The following ADGRL3 variants were observed in gnomAD, a reference collection of about 807,000 sequenced individuals.
ADGRL3 encodes adhesion G protein-coupled receptor L3, also known as calcium-independent alpha-latrotoxin receptor 3.
Under a neutral mutation model 153.5 loss-of-function variants are expected in ADGRL3, and 62 were observed. That is an observed-to-expected ratio of 0.40 (90% CI 0.33 to 0.50). The LOEUF is 0.50. ADGRL3 is among the 20% of genes least tolerant of loss of function. ADGRL3 has a pLI of 0.47. For synonymous variants in ADGRL3, 710 were observed against 672.5 expected, an observed-to-expected ratio of 1.06 and a Z score of -0.86; for missense variants, 1,641 against 1,859.4, an observed-to-expected ratio of 0.88 and a Z score of 2.16.
chr4:61,485,871 T>C (rs911265129), intron 2 of ADGRL3, among the ~76,000 whole-genome samples: 2 of 152,124 alleles, frequency 1.3e-5, no homozygotes, highest in African/African-American at 4.8e-5. Flanking sequence ...ATTTGGATTA[T>C]TTAAGAAGAT....
At chr4:61,636,198 T>A (rs573583846) in intron 5 of ADGRL3, among the ~76,000 whole-genome samples, 1 of 152,268 alleles carries the variant, frequency 6.6e-6, no homozygotes, top group East Asian at 1.9e-4. Flanking sequence ...CCTCAGTCCT[T>A]ATTTTTTATA....
chr4:61,867,539 T>TATATATATATATATATATATAA (rs1001275572), intron 9 of ADGRL3, among the ~76,000 whole-genome samples: 1 of 138,742 alleles, frequency 7.2e-6, no homozygotes, highest in African/African-American at 2.6e-5. Flanking sequence ...TATATATATA[T>TATATATATATATATATATATAA]AATTGTAGGA....
intron 8 of ADGRL3, among the ~76,000 whole-genome samples, chr4:61,759,469 A>G (rs9762431): frequency 6.6e-6 from 1 of 152,124 alleles, no homozygotes; most frequent in African/African-American, 2.4e-5. Flanking sequence ...CAGATCGACT[A>G]CGAGGCTTGT....
At chr4:61,790,749 G>A (rs2097332308) in intron 8 of ADGRL3, among the ~76,000 whole-genome samples, 1 of 152,148 alleles carries the variant, frequency 6.6e-6, no homozygotes, top group South Asian at 2.1e-4. Flanking sequence ...ATTTATAAAA[G>A]AAAGAGGTTT....
intron 1 of ADGRL3, among the ~76,000 whole-genome samples, chr4:61,278,739 C>T (rs2093596358): frequency 6.6e-6 from 1 of 152,118 alleles, no homozygotes; most frequent in African/African-American, 2.4e-5. Context: ...CTCCTGATAT[C>T]AAGTGATCCA....
chr4:61,648,682 A>T (rs1053867153), intron 5 of ADGRL3, among the ~76,000 whole-genome samples: 6 of 152,064 alleles, frequency 3.9e-5, no homozygotes, highest in African/African-American at 1.4e-4. Context: ...ATAAAACATC[A>T]TTGCCTTTCA....
chr4:61,739,312 T>A (rs1001471415), intron 8 of ADGRL3, among the ~76,000 whole-genome samples: 2 of 150,846 alleles, frequency 1.3e-5, no homozygotes, highest in Non-Finnish European at 2.9e-5. Context: ...AATTACTTTT[T>A]TTTTTTTGAT....
At chr4:61,900,832 TAA>T (rs935935779) in intron 11 of ADGRL3, among the ~76,000 whole-genome samples, 14 of 152,196 alleles carry the variant, frequency 9.2e-5, no homozygotes, top group Non-Finnish European at 1.5e-4. Context: ...TTAATGTTCT[TAA>T]AAAAGTTTCC....
intron 1 of ADGRL3, among the ~76,000 whole-genome samples, chr4:61,285,728 G>T (rs2093912759): frequency 6.6e-6 from 1 of 151,720 alleles, no homozygotes; most frequent in Admixed American, 6.6e-5. Context: ...GAAATGCTTT[G>T]TCCTTTTGGT....
At chr4:61,325,989 T>G (rs2150865795) in intron 1 of ADGRL3, among the ~76,000 whole-genome samples, 1 of 152,288 alleles carries the variant, frequency 6.6e-6, no homozygotes, top group South Asian at 2.1e-4. Context: ...CCTAGAGAGT[T>G]ATTTGCCCAT....
At position 61,587,444 on chromosome 4, in the gene ADGRL3, T is replaced by C. The variant is rs902596693; in HGVS notation, c.473+4T>C. On this transcript the variant is annotated splice_donor_region_variant and intron_variant, in intron 5 of 26. Coordinates refer to ENST00000683033, the MANE Select transcript of ADGRL3 (RefSeq NM_001387552.1). Reference sequence around the variant, plus strand: ...CCTATAAGATTATGTCTCAAAGGTATGATACTTCTAATATTCTTTTCTTTG... The same window carrying C: ...CCTATAAGATTATGTCTCAAAGGTACGATACTTCTAATATTCTTTTCTTTG... 1.3e-6 allele frequency: 2 copies of C among 1,590,836 alleles called. No individual in the cohort carries two copies. Among genetic ancestry groups the C allele is most frequent in the South Asian group, 1.1e-5 (1 of 90,274 alleles).
At chr4:61,787,379 A>C (rs566591610) in intron 8 of ADGRL3, among the ~76,000 whole-genome samples, 1 of 152,126 alleles carries the variant, frequency 6.6e-6, no homozygotes, top group East Asian at 1.9e-4. Flanking sequence ...AAAAAAAAGC[A>C]TAGGTACATA....
chr4:61,450,933 A>G (rs1027135948), intron 2 of ADGRL3, among the ~76,000 whole-genome samples: 10 of 152,148 alleles, frequency 6.6e-5, no homozygotes, highest in African/African-American at 2.4e-4. Flanking sequence ...ATTAACTAAT[A>G]TATAAATTCT....
chr4:61,851,097 T>G (rs1473329234), intron 9 of ADGRL3, among the ~76,000 whole-genome samples: 1 of 152,168 alleles, frequency 6.6e-6, no homozygotes, highest in East Asian at 1.9e-4. Flanking sequence ...TGTAATTTTA[T>G]TTTTCTATCT....
At chr4:61,689,688 T>A (rs2095505211) in intron 6 of ADGRL3, among the ~76,000 whole-genome samples, 1 of 152,168 alleles carries the variant, frequency 6.6e-6, no homozygotes, top group Non-Finnish European at 1.5e-5. Flanking sequence ...TCATTTTAAT[T>A]CAGATTCTTC....
chr4:61,218,678 G>GA (rs1173804550), intron 1 of ADGRL3, among the ~76,000 whole-genome samples: 1 of 151,998 alleles, frequency 6.6e-6, no homozygotes, highest in Non-Finnish European at 1.5e-5. Context: ...AGATTAAACA[G>GA]AAAAAATACT....
chr4:61,741,530 G>T (rs747118463), intron 8 of ADGRL3, among the ~76,000 whole-genome samples: 23 of 152,192 alleles, frequency 1.5e-4, no homozygotes, highest in Admixed American at 5.2e-4. Flanking sequence ...TGCTGCTGCT[G>T]ATTTTTCAGG....
intron 5 of ADGRL3, among the ~76,000 whole-genome samples, chr4:61,603,327 T>G (rs977500938): frequency 6.6e-6 from 1 of 152,186 alleles, no homozygotes; most frequent in Non-Finnish European, 1.5e-5. Flanking sequence ...GAATCGAAAC[T>G]ATCAAACTCT....
rs1231585437 is a variant in ADGRL3, at chr4:61,526,100, A to C, written c.259+8582A>C. 2.0e-5 allele frequency among the ~76,000 whole-genome samples: 3 copies of C among 152,144 alleles called. No homozygotes were observed. The East Asian group carries it at 5.8e-4, about 29-fold the overall frequency. On this transcript the variant is annotated intron_variant, in intron 4 of 26. Coordinates refer to ENST00000683033, the MANE Select transcript of ADGRL3 (RefSeq NM_001387552.1). ...GGTGATCAAGACATGGGTTGATACA[A>C]TTGGTAAACTGAAGTGAAGTTCCAT...
Sources: gnomAD v4.1 joint callset for allele counts (sites outside exome capture counted in the v4.1 genomes callset) on GRCh38, gnomAD v4.1.1 for gene constraint, MANE v1.5 for transcripts, NCBI Gene and HGNC (gene_info 2026-07-23, HGNC 2026-07-21) for gene names.